Variants in CDH10 observed in about 807,000 individuals in gnomAD.
CDH10 encodes cadherin-10.
In CDH10, 30 loss-of-function variants were observed where a neutral mutation model predicts 73.1. That is an observed-to-expected ratio of 0.41 (90% confidence interval 0.31 to 0.56). The LOEUF is 0.56. Ranked by LOEUF, CDH10 falls within the 20% of genes least tolerant of loss-of-function variation. The pLI, the probability that CDH10 is intolerant of heterozygous loss-of-function variation, is 0.27. For missense variants in CDH10, 815 were observed against 973.7 expected, an observed-to-expected ratio of 0.84 and a Z score of 2.17; for synonymous variants, 345 against 348.2, an observed-to-expected ratio of 0.99 and a Z score of 0.10.
intron 1 of CDH10, among the ~76,000 whole-genome samples, chr5:24,603,718 G>GAA (rs112600816): frequency 0.086 from 12,799 of 149,042 alleles, 708 homozygotes; most frequent in South Asian, 0.16. Flanking sequence ...ATACTTGCTG[G>GAA]AAAAAAAAAA....
chr5:24,515,260 T>C (rs889929395), intron 5 of CDH10, among the ~76,000 whole-genome samples: 5 of 152,156 alleles, frequency 3.3e-5, no homozygotes, highest in African/African-American at 1.2e-4. Context: ...TCAAGTATGT[T>C]TTAAAATATT....
At chr5:24,551,937 T>C (rs192302754) in intron 2 of CDH10, among the ~76,000 whole-genome samples, 1 of 152,256 alleles carries the variant, frequency 6.6e-6, no homozygotes, top group East Asian at 1.9e-4. Flanking sequence ...CTTTATGACA[T>C]GGATTTTTAT....
At chr5:24,615,802 C>T (rs1470070567) in intron 1 of CDH10, among the ~76,000 whole-genome samples, 1 of 152,152 alleles carries the variant, frequency 6.6e-6, no homozygotes, top group Non-Finnish European at 1.5e-5. Context: ...AACAAAGTGA[C>T]CAAAGCTGAG....
At chr5:24,570,151 A>G (rs967251732) in intron 2 of CDH10, among the ~76,000 whole-genome samples, 1 of 152,172 alleles carries the variant, frequency 6.6e-6, no homozygotes, top group Non-Finnish European at 1.5e-5. Flanking sequence ...TCTTAGAGAT[A>G]TTAATTTGTA....
chr5:24,642,889 A>G (rs1039464897), intron 1 of CDH10, among the ~76,000 whole-genome samples: 1 of 151,778 alleles, frequency 6.6e-6, no homozygotes, highest in African/African-American at 2.4e-5. Context: ...TCACCAGAGA[A>G]GTCAATTTGT....
chr5:24,603,314 C>A lies in CDH10; in HGVS notation c.-123-9701G>T, dbSNP rs190441117. ...GAATATAAAGAATAAAAAACACTTC[C>A]CAACACATTTTATGTATGTATCATT... On this transcript the variant is annotated intron_variant, in intron 1 of 11. Coordinates refer to ENST00000264463, the MANE Select transcript of CDH10 (RefSeq NM_006727.5). Among the ~76,000 whole-genome samples the A allele has an allele frequency of 3.3e-5, 5 of 152,206 alleles. No individual in the cohort carries two copies. The East Asian group carries it at 9.6e-4, about 29-fold the overall frequency.
chr5:24,577,076 T>TA (rs143483568), intron 2 of CDH10, among the ~76,000 whole-genome samples: 2 of 122,406 alleles, frequency 1.6e-5, no homozygotes, highest in African/African-American at 2.5e-5. Context: ...CAAAGTTATT[T>TA]AAAAAAAAAA....
chr5:24,540,536 A>T (rs535684831), intron 2 of CDH10, among the ~76,000 whole-genome samples: 1 of 152,072 alleles, frequency 6.6e-6, no homozygotes, highest in South Asian at 2.1e-4. Context: ...AAAATTGAAC[A>T]TGGTAGTAGG....
chr5:24,629,107 A>G (rs977229714), intron 1 of CDH10, among the ~76,000 whole-genome samples: 1 of 152,142 alleles, frequency 6.6e-6, no homozygotes, highest in African/African-American at 2.4e-5. Flanking sequence ...AATGGCTATA[A>G]AGCAAGAATC....
At chr5:24,565,000 G>A (rs1013680699) in intron 2 of CDH10, among the ~76,000 whole-genome samples, 4 of 152,026 alleles carry the variant, frequency 2.6e-5, no homozygotes, top group Non-Finnish European at 4.4e-5. Context: ...CCAAATCCCT[G>A]TACAGTAAAT....
chr5:24,559,686 A>C (rs1744887079), intron 2 of CDH10, among the ~76,000 whole-genome samples: 1 of 152,026 alleles, frequency 6.6e-6, no homozygotes. Flanking sequence ...TGACAACAAT[A>C]ATTCATAAGT....
At chr5:24,567,685 T>C (rs1338155331) in intron 2 of CDH10, among the ~76,000 whole-genome samples, 1 of 151,992 alleles carries the variant, frequency 6.6e-6, no homozygotes, top group Non-Finnish European at 1.5e-5. Flanking sequence ...TTCAGGGTAA[T>C]GAAAATGATT....
chr5:24,633,887 A>G (rs1405543360), intron 1 of CDH10, among the ~76,000 whole-genome samples: 15 of 151,830 alleles, frequency 9.9e-5, no homozygotes, highest in Admixed American at 9.9e-4. Context: ...AACATTGTGT[A>G]CTATAGAACA....
intron 10 of CDH10, among the ~76,000 whole-genome samples, chr5:24,492,155 T>C (rs1036791924): frequency 1.3e-5 from 2 of 152,224 alleles, no homozygotes; most frequent in Admixed American, 6.5e-5. Flanking sequence ...CTATTTTGCA[T>C]ACCAAGAGAA....
At chr5:24,584,090 T>A (rs187886158) in intron 2 of CDH10, among the ~76,000 whole-genome samples, 1 of 152,290 alleles carries the variant, frequency 6.6e-6, no homozygotes, top group East Asian at 1.9e-4. Context: ...TTTTTCTTAA[T>A]TATAAATGAA....
intron 1 of CDH10, among the ~76,000 whole-genome samples, chr5:24,636,745 TCTC>T (rs1030400806): frequency 5.3e-5 from 8 of 151,874 alleles, no homozygotes; most frequent in African/African-American, 1.9e-4. Flanking sequence ...GATACATAAT[TCTC>T]CTGTAGGTTT....
At chr5:24,590,872 A>C (rs1362559837) in intron 2 of CDH10, among the ~76,000 whole-genome samples, 1 of 152,006 alleles carries the variant, frequency 6.6e-6, no homozygotes, top group Non-Finnish European at 1.5e-5. Flanking sequence ...ATTGGAACAC[A>C]TATTACTCCG....
At chr5:24,639,041 A>T (rs1747957438) in intron 1 of CDH10, among the ~76,000 whole-genome samples, 1 of 151,634 alleles carries the variant, frequency 6.6e-6, no homozygotes, top group Non-Finnish European at 1.5e-5. Context: ...TGATAAATAC[A>T]CTTTAGAGGT....
At chr5:24,573,214 A>G (rs998221191) in intron 2 of CDH10, among the ~76,000 whole-genome samples, 3 of 151,984 alleles carry the variant, frequency 2.0e-5, no homozygotes, top group African/African-American at 4.8e-5. Context: ...ATAGTGACAG[A>G]AATAAAGACA....
Sources: allele counts gnomAD v4.1 joint callset (sites outside exome capture counted in the v4.1 genomes callset), GRCh38; gene constraint gnomAD v4.1.1; transcripts MANE v1.5; gene names NCBI Gene and HGNC (gene_info 2026-07-23, HGNC 2026-07-21).